Variants in PSD3 observed in about 807,000 individuals in gnomAD.
PSD3 encodes pleckstrin and Sec7 domain containing 3.
In PSD3, 49 loss-of-function variants were observed where a neutral mutation model predicts 105.5. That is an observed-to-expected ratio of 0.46 (90% CI 0.37 to 0.59). The LOEUF (loss-of-function observed/expected upper bound fraction) is 0.59. Among genes scored for constraint, PSD3 ranks in the 20% least tolerant of loss-of-function variants. The pLI, the probability that PSD3 is intolerant of heterozygous loss-of-function variation, is 0.00. For missense variants in PSD3, 1,561 were observed against 1,263.8 expected, an observed-to-expected ratio of 1.24 and a Z score of -3.57; for synonymous variants, 557 against 457.8, an observed-to-expected ratio of 1.22 and a Z score of -2.77.
At chr8:18,818,107 C>T (rs1812372500) in intron 4 of PSD3, among the ~76,000 whole-genome samples, 1 of 152,138 alleles carries the variant, frequency 6.6e-6, no homozygotes, top group African/African-American at 2.4e-5. Flanking sequence ...GCACCTGCCA[C>T]TACGCTTGGC....
chr8:19,079,597 C>T (rs950898391), intron 1 of PSD3, among the ~76,000 whole-genome samples: 12 of 152,100 alleles, frequency 7.9e-5, no homozygotes, highest in African/African-American at 2.7e-4. Flanking sequence ...GTGACTGCTT[C>T]CTGGGGGTTA....
chr8:18,628,773 T>C (rs1364210809), intron 11 of PSD3, among the ~76,000 whole-genome samples: 2 of 151,850 alleles, frequency 1.3e-5, no homozygotes, highest in African/African-American at 4.8e-5. Context: ...ATTAAAGATG[T>C]ACACTGTAAA....
intron 10 of PSD3, among the ~76,000 whole-genome samples, chr8:18,642,413 T>C (rs1332083713): frequency 6.6e-6 from 1 of 152,192 alleles, no homozygotes; most frequent in Non-Finnish European, 1.5e-5. Flanking sequence ...ATGCTCCTCA[T>C]ATACACATTA....
chr8:18,945,167 G>A (rs557891711), intron 1 of PSD3, among the ~76,000 whole-genome samples: 1 of 152,256 alleles, frequency 6.6e-6, no homozygotes, highest in East Asian at 1.9e-4. Context: ...CTAATCTCTG[G>A]AACCTGTGAA....
chr8:18,936,171 A>T (rs747582301), intron 1 of PSD3, 29 bp from the exon 2 acceptor site: 4 of 1,454,838 alleles, frequency 2.7e-6, no homozygotes, highest in South Asian at 2.3e-5. Flanking sequence ...ACAAAGACAC[A>T]TTTAAAATAC....
intron 1 of PSD3, among the ~76,000 whole-genome samples, chr8:19,065,123 G>T (rs1244579500): frequency 6.6e-6 from 1 of 152,174 alleles, no homozygotes; most frequent in Non-Finnish European, 1.5e-5. Flanking sequence ...TATAAGGAAA[G>T]TAATTTTGTA....
intron 8 of PSD3, among the ~76,000 whole-genome samples, chr8:18,790,448 T>A (rs1013472924): frequency 6.6e-6 from 1 of 151,332 alleles, no homozygotes; most frequent in Admixed American, 6.6e-5. Context: ...GACTACAGGC[T>A]CCCGCCACCA....
intron 15 of PSD3, among the ~76,000 whole-genome samples, chr8:18,539,295 G>C (rs754311788): frequency 7.9e-5 from 12 of 152,200 alleles, no homozygotes; most frequent in Non-Finnish European, 1.2e-4. Flanking sequence ...GCTCTGGAGA[G>C]CAAGGGCAAG....
chr8:18,670,751 G>T (rs1799739935), intron 9 of PSD3, among the ~76,000 whole-genome samples: 1 of 152,150 alleles, frequency 6.6e-6, no homozygotes, highest in Admixed American at 6.5e-5. Context: ...GTTACGGTAT[G>T]TTTCCATTTT....
rs74327345 is a variant in PSD3, at chr8:18,561,150, T to C, written c.2785-4798A>G. ...ATGTGGCATTCTCATGGTGAGACCA[T>C]GCCGTATCTTCTTCAAGAAGAGGGA... On this transcript the variant is annotated intron_variant, in intron 14 of 15. Transcript: ENST00000327040. Among the ~76,000 whole-genome samples the C allele has an allele frequency of 2.4e-3, 358 of 152,334 alleles. 1 individual carries two copies. Among genetic ancestry groups the C allele is most frequent in the Non-Finnish European group, 4.2e-3 (289 of 68,030 alleles).
intron 2 of PSD3, among the ~76,000 whole-genome samples, chr8:18,894,205 A>T (rs1818995741): frequency 1.3e-5 from 2 of 152,248 alleles, no homozygotes; most frequent in Non-Finnish European, 2.9e-5. Context: ...ACTACAAAGT[A>T]CATTTGTACT....
At chr8:18,784,186 T>C (rs1042265335) in intron 8 of PSD3, among the ~76,000 whole-genome samples, 1 of 152,172 alleles carries the variant, frequency 6.6e-6, no homozygotes, top group Non-Finnish European at 1.5e-5. Flanking sequence ...AGTTGGTTTT[T>C]ATGTTGTTCA....
Position 18,535,492 on chromosome 8 carries a change from T to C in PSD3, c.*251A>G, listed in dbSNP as rs553619687. The C allele has an allele frequency of 2.0e-6, 1 of 498,032 alleles. No individual in the cohort carries two copies. The highest frequency in any genetic ancestry group is 3.5e-5 in the Admixed American group (1 of 28,886). The allele number at this position is 498,032 out of a possible 1,614,324, so 30.9% of individuals were successfully genotyped here. A position where few individuals can be genotyped will look rare whatever the true frequency, so the allele number is the denominator to read the frequency against. Reference sequence around the variant, plus strand: ...AAGAGAAGGGATACATAATTCATTCTGAAATCACGATCCCCTCCTCCTCAC... The same window carrying C: ...AAGAGAAGGGATACATAATTCATTCCGAAATCACGATCCCCTCCTCCTCAC... On this transcript the variant is annotated 3_prime_UTR_variant, in exon 16 of 16. Transcript: ENST00000327040.
intron 1 of PSD3, among the ~76,000 whole-genome samples, chr8:18,988,065 G>C (rs1423991366): frequency 6.6e-6 from 1 of 151,716 alleles, no homozygotes. Flanking sequence ...AATAGTGCTT[G>C]GCACAAAGTA....
rs191529114 is a variant in PSD3, at chr8:18,851,867, G to A, written c.1634+15807C>T. On this transcript the variant is annotated intron_variant, in intron 4 of 15. Coordinates refer to ENST00000327040, the MANE Select transcript of PSD3 (RefSeq NM_015310.4). ...ATTCCTTCTGGAGAGTGGGACCAAT[G>A]GAACTTTTACCGTTGGCATTGTATT... Among the ~76,000 whole-genome samples the A allele has an allele frequency of 1.5e-3, 225 of 152,314 alleles. 3 individuals carry two copies. Among genetic ancestry groups the A allele is most frequent in the South Asian group, 2.5e-3 (12 of 4,826 alleles).
intron 11 of PSD3, among the ~76,000 whole-genome samples, chr8:18,603,277 T>C (rs1483112976): frequency 6.6e-6 from 1 of 152,308 alleles, no homozygotes; most frequent in South Asian, 2.1e-4. Context: ...TAACCTTACT[T>C]TGGCTTTTCT....
chr8:19,057,422 A>T (rs1206133948), intron 1 of PSD3, among the ~76,000 whole-genome samples: 2 of 152,162 alleles, frequency 1.3e-5, no homozygotes, highest in East Asian at 3.8e-4. Context: ...GTTTTCTATG[A>T]CACGAAAACC....
intron 12 of PSD3, among the ~76,000 whole-genome samples, chr8:18,590,719 A>T (rs1803538137): frequency 6.6e-6 from 1 of 152,198 alleles, no homozygotes; most frequent in African/African-American, 2.4e-5. Flanking sequence ...AAGTGGGGGA[A>T]AAGTTAAATT....
At chr8:18,590,687 A>T (rs1803534468) in intron 12 of PSD3, among the ~76,000 whole-genome samples, 2 of 152,138 alleles carry the variant, frequency 1.3e-5, no homozygotes, top group African/African-American at 4.8e-5. Flanking sequence ...ATAAATGAAA[A>T]ACTAAAAAAG....
Sources: allele counts gnomAD v4.1 joint callset (sites outside exome capture counted in the v4.1 genomes callset), GRCh38; gene constraint gnomAD v4.1.1; transcripts MANE v1.5; gene names NCBI Gene and HGNC (gene_info 2026-07-23, HGNC 2026-07-21).